ASIC2: variants seen among roughly 807,000 people sequenced by gnomAD.
ASIC2 encodes acid-sensing ion channel 2.
ASIC2 carries 25 observed loss-of-function variants against 57.3 expected under a neutral mutation model. The observed-to-expected ratio is 0.44, with a 90% CI of 0.32 to 0.61. The LOEUF (loss-of-function observed/expected upper bound fraction) is 0.61, where lower values mean the gene tolerates loss of function less well. Among genes scored for constraint, ASIC2 ranks in the 20% least tolerant of loss-of-function variants. The probability of loss-of-function intolerance (pLI) is 0.06; values close to 1 mark genes in which losing one functional copy is unlikely to be tolerated. For missense variants in ASIC2, 641 were observed against 738.1 expected, an observed-to-expected ratio of 0.87 and a Z score of 1.52; for synonymous variants, 319 against 307.5, an observed-to-expected ratio of 1.04 and a Z score of -0.39.
At chr17:33,489,838 C>T (rs1191385035) in intron 1 of ASIC2, among the ~76,000 whole-genome samples, 6 of 152,104 alleles carry the variant, frequency 3.9e-5, no homozygotes, top group Non-Finnish European at 8.8e-5. Flanking sequence ...GAATTTGGGC[C>T]CCTTTATGCT....
rs568521747 is a variant in ASIC2 at position 33,238,384 on chromosome 17, G to C, written c.708+53024C>G. ...GTTGAGGCTTTGGCTGCAGGGAGCT[G>C]CTTCCTTACTGGTCTCCTGCTTCCT... On this transcript the variant is annotated intron_variant, in intron 1 of 9. Coordinates refer to ENST00000225823, the MANE Select transcript of ASIC2 (RefSeq NM_183377.2). Among the ~76,000 whole-genome samples the C allele has an allele frequency of 6.6e-5, 10 of 152,366 alleles. No individual in the cohort carries two copies. The South Asian group carries it at 1.7e-3, about 25-fold the overall frequency.
intron 1 of ASIC2, among the ~76,000 whole-genome samples, chr17:33,348,595 G>A (rs777293000): frequency 6.6e-6 from 1 of 152,112 alleles, no homozygotes; most frequent in Non-Finnish European, 1.5e-5. Context: ...GGGTGAGAGG[G>A]TTAGGAAATT....
At chr17:33,697,959 C>A (rs1386076809) in intron 1 of ASIC2, among the ~76,000 whole-genome samples, 1 of 152,144 alleles carries the variant, frequency 6.6e-6, no homozygotes, top group Non-Finnish European at 1.5e-5. Flanking sequence ...TAGATAGATG[C>A]ACATAGTAGG....
chr17:33,315,670 A>T (rs1906616348), intron 1 of ASIC2, among the ~76,000 whole-genome samples: 1 of 152,218 alleles, frequency 6.6e-6, no homozygotes, highest in African/African-American at 2.4e-5. Flanking sequence ...TTCCCAAAGG[A>T]ATTTATTACA....
At position 34,054,127 on chromosome 17, in the gene ASIC2, T is replaced by C. The variant is rs147963617; in HGVS notation, c.555+101851A>G. On this transcript the variant is annotated intron_variant, in intron 1 of 9. Coordinates refer to the ASIC2 transcript ENST00000359872. Reference sequence around the variant, plus strand: ...CATGGAATACTAACTCTGTAAATAATCTTGCATGTGCTCTAGTCCAGTTTC... The same window carrying C: ...CATGGAATACTAACTCTGTAAATAACCTTGCATGTGCTCTAGTCCAGTTTC... Among the ~76,000 whole-genome samples, 48 of 152,380 alleles carry C rather than the reference T, an allele frequency of 3.2e-4. No homozygotes were observed. In the East Asian group the frequency reaches 9.2e-3, roughly 29 times the overall value.
chr17:33,657,530 T>C (rs1295303441), intron 1 of ASIC2, among the ~76,000 whole-genome samples: 1 of 151,992 alleles, frequency 6.6e-6, no homozygotes, highest in African/African-American at 2.4e-5. Context: ...CTTCTTCCTC[T>C]CAGTTCTGTA....
At chr17:33,161,736 G>A (rs947125687) in intron 1 of ASIC2, among the ~76,000 whole-genome samples, 1 of 152,026 alleles carries the variant, frequency 6.6e-6, no homozygotes, top group Non-Finnish European at 1.5e-5. Context: ...CTTTCCCCAC[G>A]GCATTTTATG....
At chr17:33,788,906 G>C (rs1848701698) in intron 1 of ASIC2, among the ~76,000 whole-genome samples, 1 of 152,122 alleles carries the variant, frequency 6.6e-6, no homozygotes, top group African/African-American at 2.4e-5. Context: ...TGTTGGGGGG[G>C]TTGGGAATTG....
chr17:33,088,302 G>C (rs2092143209), intron 3 of ASIC2, among the ~76,000 whole-genome samples: 1 of 152,160 alleles, frequency 6.6e-6, no homozygotes, highest in South Asian at 2.1e-4. Flanking sequence ...CTTCAGACGT[G>C]AGGCTGTGCC....
chr17:33,192,820 T>C (rs1478977509), intron 1 of ASIC2, among the ~76,000 whole-genome samples: 2 of 152,230 alleles, frequency 1.3e-5, no homozygotes, highest in East Asian at 1.9e-4. Flanking sequence ...ATTTTCTAAT[T>C]AACATTTTCT....
At chr17:33,963,747 T>C (rs1904995360) in intron 1 of ASIC2, among the ~76,000 whole-genome samples, 1 of 151,860 alleles carries the variant, frequency 6.6e-6, no homozygotes, top group Admixed American at 6.6e-5. Flanking sequence ...GTTCGGAGAG[T>C]TTTCACAAAC....
At chr17:33,209,421 G>C (rs1453121073) in intron 1 of ASIC2, among the ~76,000 whole-genome samples, 1 of 152,182 alleles carries the variant, frequency 6.6e-6, no homozygotes, top group East Asian at 1.9e-4. Flanking sequence ...TCTAGACCAT[G>C]GTTTTTCAGT....
At chr17:34,048,052 G>A (rs1567800426) in intron 1 of ASIC2, among the ~76,000 whole-genome samples, 2 of 152,240 alleles carry the variant, frequency 1.3e-5, no homozygotes, top group East Asian at 3.9e-4. Flanking sequence ...AGTTTTTGAT[G>A]GAACACTCTT....
chr17:33,464,106 C>T (rs1175536318), intron 1 of ASIC2, among the ~76,000 whole-genome samples: 1 of 152,224 alleles, frequency 6.6e-6, no homozygotes, highest in African/African-American at 2.4e-5. Context: ...TGCCCTGTTG[C>T]CTGTCATTGC....
chr17:33,148,413 C>T (rs750574130), intron 1 of ASIC2, among the ~76,000 whole-genome samples: 13 of 152,180 alleles, frequency 8.5e-5, no homozygotes, highest in Non-Finnish European at 1.6e-4. Context: ...TTGTTCAATC[C>T]TACCATGATT....
chr17:34,021,332 C>T lies in ASIC2; in HGVS notation c.555+134646G>A, dbSNP rs145146060. Among the ~76,000 whole-genome samples the T allele has an allele frequency of 1.8e-4, 27 of 152,302 alleles. No individual in the cohort carries two copies. In the East Asian group the frequency reaches 4.2e-3, roughly 24 times the overall value. On this transcript the variant is annotated intron_variant, in intron 1 of 9. Coordinates refer to the ASIC2 transcript ENST00000359872. ...CCTGCAATCTTGCATAAGTACTAGA[C>T]TTCAATCTCTCTGGAAAAGTCTATA...
At chr17:33,513,187 G>A (rs1914476736) in intron 1 of ASIC2, among the ~76,000 whole-genome samples, 1 of 152,206 alleles carries the variant, frequency 6.6e-6, no homozygotes, top group South Asian at 2.1e-4. Flanking sequence ...GAATACTTCT[G>A]TTGTTCTCAA....
intron 1 of ASIC2, among the ~76,000 whole-genome samples, chr17:33,724,210 A>T (rs1161123601): frequency 6.6e-6 from 1 of 152,204 alleles, no homozygotes; most frequent in African/African-American, 2.4e-5. Context: ...CACCATGATT[A>T]CGAGGCCTCC....
intron 1 of ASIC2, among the ~76,000 whole-genome samples, chr17:33,498,627 G>A (rs1195383581): frequency 1.3e-5 from 2 of 152,194 alleles, no homozygotes; most frequent in South Asian, 4.1e-4. Context: ...GACTCAAGGA[G>A]CCCTTGCTCT....
Sources: gnomAD v4.1 joint callset for allele counts (sites outside exome capture counted in the v4.1 genomes callset) on GRCh38, gnomAD v4.1.1 for gene constraint, MANE v1.5 for transcripts, NCBI Gene and HGNC (gene_info 2026-07-23, HGNC 2026-07-21) for gene names.